The following PDZRN3 variants were observed in gnomAD, a reference collection of about 807,000 sequenced individuals.
The protein encoded by PDZRN3 is PDZ domain containing ring finger 3, also known as E3 ubiquitin-protein ligase PDZRN3.
PDZRN3 carries 38 observed loss-of-function variants against 85.7 expected under a neutral mutation model. The observed-to-expected ratio is 0.44, with a 90% confidence interval of 0.34 to 0.58. PDZRN3 has a LOEUF of 0.58. Ranked by LOEUF, PDZRN3 falls within the 20% of genes least tolerant of loss-of-function variation. The pLI is 0.01. For synonymous variants in PDZRN3, 759 were observed against 638.0 expected, an observed-to-expected ratio of 1.19 and a Z score of -2.86; for missense variants, 1,629 against 1,506.4, an observed-to-expected ratio of 1.08 and a Z score of -1.35.
intron 3 of PDZRN3, among the ~76,000 whole-genome samples, chr3:73,590,655 C>CTT: frequency 6.6e-6 from 1 of 152,270 alleles, no homozygotes; most frequent in East Asian, 1.9e-4. Context: ...AAGTTTCAAG[C>CTT]TTTCAATAAA....
chr3:73,618,022 C>T (rs1037320750), intron 1 of PDZRN3, among the ~76,000 whole-genome samples: 3 of 152,184 alleles, frequency 2.0e-5, no homozygotes, highest in African/African-American at 7.2e-5. Context: ...TCTTTCACAG[C>T]CAGGATCTGT....
rs1702948680 is a variant in PDZRN3, at chr3:73,624,916, G to A, written c.-91C>T. The A allele has an allele frequency of 3.8e-6, 4 of 1,041,954 alleles. No individual in the cohort carries two copies. In the South Asian group the frequency reaches 1.2e-4, roughly 32 times the overall value. 64.5% of individuals were successfully genotyped at this position (1,041,954 alleles called of 1,614,324 possible). ...CCCAGACAGGCCGGCTACGCCGCCCGCGCGCTCGCTGGCTCTCCCCGGACT... is the reference window on the plus strand; with the variant it reads ...CCCAGACAGGCCGGCTACGCCGCCCACGCGCTCGCTGGCTCTCCCCGGACT... On this transcript the variant is annotated 5_prime_UTR_variant, in exon 1 of 10. Coordinates refer to ENST00000263666, the MANE Select transcript of PDZRN3 (RefSeq NM_015009.3).
intron 3 of PDZRN3, 32 bp downstream of exon 3, chr3:73,602,322 C>G: frequency 8.7e-7 from 1 of 1,152,212 alleles, no homozygotes; most frequent in Non-Finnish European, 1.3e-6. Context: ...GGCATTCAGC[C>G]TATTCAAAGA....
intron 1 of PDZRN3, among the ~76,000 whole-genome samples, chr3:73,620,658 G>C (rs1180543763): frequency 6.7e-6 from 1 of 148,718 alleles, no homozygotes; most frequent in African/African-American, 2.5e-5. Context: ...CTTACTGCAA[G>C]CTCCGCTTCC....
chr3:73,582,750 G>A (rs775251426), intron 3 of PDZRN3, among the ~76,000 whole-genome samples: 6 of 151,994 alleles, frequency 3.9e-5, no homozygotes, highest in East Asian at 3.9e-4. Context: ...CACTTACCCC[G>A]CGTCTCAGTG....
chr3:73,604,680 A>T (rs1030197880), intron 2 of PDZRN3, among the ~76,000 whole-genome samples: 1 of 152,232 alleles, frequency 6.6e-6, no homozygotes, highest in African/African-American at 2.4e-5. Context: ...TCAATATATC[A>T]AATGAAAAGA....
chr3:73,464,642 C>A (rs1703176430), intron 3 of PDZRN3, among the ~76,000 whole-genome samples: 1 of 151,850 alleles, frequency 6.6e-6, no homozygotes, highest in African/African-American at 2.4e-5. Flanking sequence ...ATTATTAAAA[C>A]AAAGATAAAG....
chr3:73,597,082 A>C (rs1702440389), intron 3 of PDZRN3, among the ~76,000 whole-genome samples: 1 of 152,170 alleles, frequency 6.6e-6, no homozygotes, highest in African/African-American at 2.4e-5. Context: ...GAAATGAAAC[A>C]TTTTTTAAAG....
In PDZRN3 at chr3:73,400,911, G is replaced by A. The variant is rs1225176278; in HGVS notation, c.1254+11C>T. 6.3e-7 allele frequency: 1 copy of A among 1,579,028 alleles called. No homozygotes were observed. The highest frequency in any genetic ancestry group is 2.2e-5 in the East Asian group (1 of 44,718). On this transcript the variant is annotated intron_variant, in intron 5 of 9. Coordinates refer to ENST00000263666, the MANE Select transcript of PDZRN3 (RefSeq NM_015009.3). ...ATGACTCCTAAAATGAGACAAGGAT[G>A]TTCTTCATACCTCCAGCTCCAGCTC...
intron 5 of PDZRN3, among the ~76,000 whole-genome samples, chr3:73,399,785 A>G (rs2106717014): frequency 6.6e-6 from 1 of 152,328 alleles, no homozygotes; most frequent in East Asian, 1.9e-4. Flanking sequence ...CATTTAGGGA[A>G]AATTTTAAAT....
chr3:73,577,763 G>C (rs1273603520), intron 3 of PDZRN3, among the ~76,000 whole-genome samples: 2 of 152,276 alleles, frequency 1.3e-5, no homozygotes, highest in African/African-American at 2.4e-5. Flanking sequence ...TGCCCTTCAA[G>C]CCAAAGGCCG....
intron 3 of PDZRN3, among the ~76,000 whole-genome samples, chr3:73,580,876 T>C (rs1340413394): frequency 6.6e-6 from 1 of 152,240 alleles, no homozygotes; most frequent in East Asian, 1.9e-4. Flanking sequence ...GAGTGTGGCT[T>C]CAATTGCGTC....
intron 3 of PDZRN3, among the ~76,000 whole-genome samples, chr3:73,598,050 T>C (rs1702456841): frequency 6.6e-6 from 1 of 152,220 alleles, no homozygotes; most frequent in African/African-American, 2.4e-5. Context: ...TTCACATTTT[T>C]GCCTTCTCCT....
chr3:73,586,349 C>T (rs1559749090), intron 3 of PDZRN3, among the ~76,000 whole-genome samples: 1 of 152,206 alleles, frequency 6.6e-6, no homozygotes, highest in Non-Finnish European at 1.5e-5. Context: ...GGCCTCATGA[C>T]ATACTGTCAC....
intron 3 of PDZRN3, among the ~76,000 whole-genome samples, chr3:73,440,468 G>T (rs748046781): frequency 6.6e-6 from 1 of 152,160 alleles, no homozygotes; most frequent in Admixed American, 6.5e-5. Flanking sequence ...GATTTGATGC[G>T]CCTTGATGTC....
intron 7 of PDZRN3, among the ~76,000 whole-genome samples, chr3:73,389,484 A>T (rs1701475044): frequency 6.6e-6 from 1 of 152,212 alleles, no homozygotes; most frequent in Non-Finnish European, 1.5e-5. Flanking sequence ...CACAAGTTGT[A>T]AACTGTTGGC....
At chr3:73,471,972 G>A (rs1487968854) in intron 3 of PDZRN3, among the ~76,000 whole-genome samples, 1 of 152,200 alleles carries the variant, frequency 6.6e-6, no homozygotes, top group African/African-American at 2.4e-5. Flanking sequence ...GGATAAGTTA[G>A]TGGGCTACGG....
In PDZRN3 at chr3:73,387,108, G is replaced by A. The variant is rs529083285; in HGVS notation, c.1518+860C>T. 2.3e-3 allele frequency among the ~76,000 whole-genome samples: 355 copies of A among 152,312 alleles called. 1 individual carries two copies. The highest frequency in any genetic ancestry group is 5.8e-3 in the South Asian group (28 of 4,826). On this transcript the variant is annotated intron_variant, in intron 8 of 9. Transcript: ENST00000263666. ...TCTCTTCCCTGCTGCCACGTAAGAC[G>A]TGCCTTTTGCCTTCCACCATGATTG...
At chr3:73,597,031 C>T (rs747628061) in intron 3 of PDZRN3, among the ~76,000 whole-genome samples, 4 of 152,088 alleles carry the variant, frequency 2.6e-5, no homozygotes, top group Non-Finnish European at 5.9e-5. Context: ...TCTGGGTTAA[C>T]GGTGTACAGA....
Sources: allele counts gnomAD v4.1 joint callset (sites outside exome capture counted in the v4.1 genomes callset), GRCh38; gene constraint gnomAD v4.1.1; transcripts MANE v1.5; gene names NCBI Gene and HGNC (gene_info 2026-07-23, HGNC 2026-07-21).